The following DOK5 variants were observed in gnomAD, a reference collection of about 807,000 sequenced individuals.
DOK5 encodes the protein downstream of tyrosine kinase 5.
DOK5 carries 27 observed loss-of-function variants against 43.3 expected under a neutral mutation model. That is an observed-to-expected ratio of 0.62 (90% CI 0.46 to 0.86). The LOEUF is 0.86. Among genes scored for constraint, DOK5 ranks in the 40% least tolerant of loss-of-function variants. The pLI, the probability that DOK5 is intolerant of heterozygous loss-of-function variation, is 0.00. For synonymous variants in DOK5, 146 were observed against 140.1 expected (o/e 1.04, Z -0.30); for missense variants, 373 against 392.9 (o/e 0.95, Z 0.43).
chr20:54,639,915 C>A (rs1979023097), intron 6 of DOK5, among the ~76,000 whole-genome samples: 1 of 152,180 alleles, frequency 6.6e-6, no homozygotes, highest in African/African-American at 2.4e-5. Flanking sequence ...AAAGATTAAT[C>A]AAAACAAGAC....
intron 5 of DOK5, among the ~76,000 whole-genome samples, chr20:54,604,246 C>T (rs1291682169): frequency 1.3e-5 from 2 of 151,882 alleles, no homozygotes; most frequent in African/African-American, 4.8e-5. Flanking sequence ...GCGCCCCGGC[C>T]TCAAACTGTA....
intron 1 of DOK5, among the ~76,000 whole-genome samples, chr20:54,533,439 A>G (rs1983849074): frequency 6.6e-6 from 1 of 152,234 alleles, no homozygotes; most frequent in South Asian, 2.1e-4. Context: ...CAGCATTTCA[A>G]TAATTTGAAA....
At chr20:54,644,749 A>G (rs532263826) in intron 7 of DOK5, among the ~76,000 whole-genome samples, 1 of 146,218 alleles carries the variant, frequency 6.8e-6, no homozygotes, top group Non-Finnish European at 1.5e-5. Context: ...GCGTGGTGGC[A>G]TGTGCCTGTA....
At chr20:54,552,382 T>C (rs2146726667) in intron 1 of DOK5, among the ~76,000 whole-genome samples, 1 of 152,086 alleles carries the variant, frequency 6.6e-6, no homozygotes, top group South Asian at 2.1e-4. Flanking sequence ...AACTATGTTA[T>C]CCTGCAGACA....
rs386394048 is a variant in DOK5 at position 54,646,248 on chromosome 20, G to GTTTTTTTTTTTTT, written c.856+2682_856+2694dup. On this transcript the variant is annotated intron_variant, in intron 7 of 7. Coordinates refer to ENST00000262593, the MANE Select transcript of DOK5 (RefSeq NM_018431.5). The stretch of plus-strand genomic sequence containing the variant: ...TACTGTTATATCCACTGGTTATACT[G>GTTTTTTTTTTTTT]TTTTTTTTTTTTTTTTTTTTTTTTG... Among the ~76,000 whole-genome samples the GTTTTTTTTTTTTT allele has an allele frequency of 5.0e-4, 40 of 79,928 alleles. 5 individuals carry two copies. Among genetic ancestry groups the GTTTTTTTTTTTTT allele is most frequent in the African/African-American group, 1.7e-3 (32 of 18,992 alleles). The allele number at this position is 79,928 out of a possible 152,430, so 52.4% of individuals were successfully genotyped here.
intron 2 of DOK5, among the ~76,000 whole-genome samples, chr20:54,564,217 A>T (rs1985012928): frequency 6.6e-6 from 1 of 152,092 alleles, no homozygotes; most frequent in South Asian, 2.1e-4. Context: ...AGGTCAGGAG[A>T]TCAAGACAAT....
intron 2 of DOK5, among the ~76,000 whole-genome samples, chr20:54,568,285 C>T (rs1278904508): frequency 6.6e-6 from 1 of 152,208 alleles, no homozygotes; most frequent in Non-Finnish European, 1.5e-5. Flanking sequence ...GTGTTTCTTA[C>T]ATGAATTTCT....
chr20:54,626,313 A>T (rs1987129569), intron 6 of DOK5, among the ~76,000 whole-genome samples: 1 of 152,142 alleles, frequency 6.6e-6, no homozygotes, highest in South Asian at 2.1e-4. Flanking sequence ...CCCAGTTAGG[A>T]GGCTTCTTCT....
chr20:54,604,069 C>A (rs1439139492), intron 5 of DOK5, among the ~76,000 whole-genome samples: 1 of 151,408 alleles, frequency 6.6e-6, no homozygotes, highest in Non-Finnish European at 1.5e-5. Context: ...GCCTCAGCCT[C>A]CCGAGTAGCT....
At chr20:54,594,685 T>A (rs971706964) in intron 5 of DOK5, among the ~76,000 whole-genome samples, 10 of 152,206 alleles carry the variant, frequency 6.6e-5, no homozygotes, top group African/African-American at 9.6e-5. Flanking sequence ...AATCTTTTTT[T>A]ATTTACCATT....
At chr20:54,484,973 A>ATAC (rs745939679) in intron 1 of DOK5, among the ~76,000 whole-genome samples, 3 of 152,216 alleles carry the variant, frequency 2.0e-5, no homozygotes, top group Non-Finnish European at 4.4e-5. Flanking sequence ...AACTCTGATC[A>ATAC]TACTACTATA....
At chr20:54,588,856 C>T (rs1469058919) in intron 4 of DOK5, 50 bp downstream of exon 4, 1 of 1,597,500 alleles carries the variant, frequency 6.3e-7, no homozygotes, top group South Asian at 1.1e-5. Flanking sequence ...CTTCTGTCTC[C>T]ATATGATAAA....
At chr20:54,576,611 G>A (rs539833714) in intron 2 of DOK5, among the ~76,000 whole-genome samples, 9 of 152,256 alleles carry the variant, frequency 5.9e-5, no homozygotes, top group South Asian at 2.1e-4. Flanking sequence ...ACTGAACTGC[G>A]GTCTTGAGAT....
intron 2 of DOK5, among the ~76,000 whole-genome samples, chr20:54,567,991 G>A (rs576609786): frequency 6.7e-4 from 102 of 151,976 alleles, no homozygotes; most frequent in African/African-American, 2.4e-3. Context: ...GTCATTTTTG[G>A]CCTATGATAT....
At chr20:54,613,489 G>C (rs573602069) in intron 6 of DOK5, among the ~76,000 whole-genome samples, 1 of 152,066 alleles carries the variant, frequency 6.6e-6, no homozygotes, top group Non-Finnish European at 1.5e-5. Flanking sequence ...CCCTCTGCCC[G>C]CCACACAAGA....
chr20:54,479,197 A>T (rs1298523681), intron 1 of DOK5, among the ~76,000 whole-genome samples: 1 of 152,212 alleles, frequency 6.6e-6, no homozygotes, highest in Non-Finnish European at 1.5e-5. Flanking sequence ...GCAATCAAAT[A>T]TGTATAGATT....
At chr20:54,519,707 G>A (rs1600676768) in intron 1 of DOK5, among the ~76,000 whole-genome samples, 1 of 152,244 alleles carries the variant, frequency 6.6e-6, no homozygotes, top group Non-Finnish European at 1.5e-5. Context: ...GAAATAAGCT[G>A]TTTAAATATG....
chr20:54,559,302 G>C (rs1053347172), intron 2 of DOK5, among the ~76,000 whole-genome samples: 2 of 152,186 alleles, frequency 1.3e-5, no homozygotes, highest in African/African-American at 4.8e-5. Flanking sequence ...GCCGGTCCTG[G>C]ATTTAGGTAG....
At chr20:54,483,019 G>C (rs1981785649) in intron 1 of DOK5, among the ~76,000 whole-genome samples, 1 of 152,164 alleles carries the variant, frequency 6.6e-6, no homozygotes, top group South Asian at 2.1e-4. Flanking sequence ...ATTTGAATCA[G>C]CTTCATTGAC....
Sources: allele counts gnomAD v4.1 joint callset (sites outside exome capture counted in the v4.1 genomes callset), GRCh38; gene constraint gnomAD v4.1.1; transcripts MANE v1.5; gene names NCBI Gene and HGNC (gene_info 2026-07-23, HGNC 2026-07-21).